ATP6V1C2: variants seen among roughly 807,000 people sequenced by gnomAD.
ATP6V1C2 encodes the protein V-type proton ATPase subunit C 2.
Under a neutral mutation model 56.8 loss-of-function variants are expected in ATP6V1C2, and 45 were observed. That is an observed-to-expected ratio of 0.79 (90% CI 0.62 to 1.02). ATP6V1C2 has a LOEUF of 1.02. ATP6V1C2 is among the 50% of genes least tolerant of loss of function. ATP6V1C2 has a pLI of 0.00. For missense variants in ATP6V1C2, 463 were observed against 519.7 expected, an observed-to-expected ratio of 0.89 and a Z score of 1.06; for synonymous variants, 220 against 201.3, an observed-to-expected ratio of 1.09 and a Z score of -0.79.
At chr2:10,748,371 T>C (rs1330457596) in intron 3 of ATP6V1C2, among the ~76,000 whole-genome samples, 1 of 152,232 alleles carries the variant, frequency 6.6e-6, no homozygotes, top group African/African-American at 2.4e-5. Flanking sequence ...GCACACAGCA[T>C]TGGTCTTTTC....
At chr2:10,778,792 G>A in intron 12 of ATP6V1C2, 123 bp downstream of exon 12, 1 of 912,244 alleles carries the variant, frequency 1.1e-6, no homozygotes, top group Non-Finnish European at 1.7e-6. Context: ...CTGAGACTGT[G>A]GCTGTTGGCA....
Position 10,783,096 on chromosome 2 carries a change from C to T in ATP6V1C2, c.1195-78C>T, listed in dbSNP as rs544553437. 2.2e-5 allele frequency: 25 copies of T among 1,123,448 alleles called. No homozygotes were observed. In the South Asian group the frequency reaches 2.3e-4, roughly 10 times the overall value. The allele number at this position is 1,123,448 out of a possible 1,614,324, so 69.6% of individuals were successfully genotyped here. A position where few individuals can be genotyped will look rare whatever the true frequency, so the allele number is the denominator to read the frequency against. ...AGCAGAACGTACGCTCAGTGCCTGGCGAGCTTCCTCAAAACTAAAAGGATA... is the reference window on the plus strand; with the variant it reads ...AGCAGAACGTACGCTCAGTGCCTGGTGAGCTTCCTCAAAACTAAAAGGATA... On this transcript the variant is annotated intron_variant, in intron 13 of 13. Transcript: ENST00000272238.
chr2:10,747,088 A>G (rs1202536585), intron 3 of ATP6V1C2, among the ~76,000 whole-genome samples: 1 of 152,106 alleles, frequency 6.6e-6, no homozygotes. Flanking sequence ...GACCAACATG[A>G]AGAAACCCCG....
intron 4 of ATP6V1C2, among the ~76,000 whole-genome samples, chr2:10,758,923 T>G (rs1275568755): frequency 6.6e-6 from 1 of 152,200 alleles, no homozygotes; most frequent in African/African-American, 2.4e-5. Context: ...CGTCTCAGTC[T>G]CCCAAAGTGC....
chr2:10,738,026 T>G (rs1662353839), intron 3 of ATP6V1C2, among the ~76,000 whole-genome samples: 1 of 152,178 alleles, frequency 6.6e-6, no homozygotes, highest in African/African-American at 2.4e-5. Flanking sequence ...AGGCTGCCCC[T>G]TTGTTCCTCT....
intron 3 of ATP6V1C2, among the ~76,000 whole-genome samples, chr2:10,746,558 G>A (rs149745068): frequency 1.3e-5 from 2 of 151,786 alleles, no homozygotes; most frequent in South Asian, 2.1e-4. Flanking sequence ...GATTACAGGC[G>A]CCCACCAGCA....
rs138925683 is a variant in ATP6V1C2 at position 10,780,724 on chromosome 2, C to T, written c.1062-1519C>T. Among the ~76,000 whole-genome samples the T allele has an allele frequency of 3.7e-3, 565 of 151,126 alleles. 5 individuals are homozygous for T. The highest frequency in any genetic ancestry group is 0.013 in the African/African-American group (540 of 41,226). ...ATCTGCCCAAGAAAGAGGTTGAGACCGATGGGCCAGCCGCTCCTGGGGTCC... is the reference window on the plus strand; with the variant it reads ...ATCTGCCCAAGAAAGAGGTTGAGACTGATGGGCCAGCCGCTCCTGGGGTCC... On this transcript the variant is annotated intron_variant, in intron 12 of 13. Transcript: ENST00000272238. This position sits in a 1 kb window ranked among gnomAD's most constrained non-coding sequence, Gnocchi z 4.1.
chr2:10,779,299 G>A (rs1175509523), intron 12 of ATP6V1C2, among the ~76,000 whole-genome samples: 3 of 150,356 alleles, frequency 2.0e-5, no homozygotes, highest in African/African-American at 7.3e-5. Context: ...TAGAGGCGGG[G>A]TTTCACCATG....
Position 10,784,936 on chromosome 2 carries a change from C to A in ATP6V1C2, c.*1673C>A. On this transcript the variant is annotated 3_prime_UTR_variant, in exon 14 of 14. Coordinates refer to ENST00000272238, the MANE Select transcript of ATP6V1C2 (RefSeq NM_001039362.2). ...CAGCTTCCCTCCCGGGCACTCACCT[C>A]GCCATCCCTGCCGTCCCAAGGCTCT... 6.3e-7 allele frequency: 1 copy of A among 1,578,292 alleles called. No homozygotes were observed. The highest frequency in any genetic ancestry group is 8.6e-7 in the Non-Finnish European group (1 of 1,159,814).
chr2:10,735,220 A>C (rs1487781183), intron 3 of ATP6V1C2, among the ~76,000 whole-genome samples: 1 of 152,104 alleles, frequency 6.6e-6, no homozygotes, highest in Non-Finnish European at 1.5e-5. Context: ...CCCAGGCTGG[A>C]GTGCAGTAGC....
At chr2:10,762,739 A>T (rs907338415) in intron 4 of ATP6V1C2, among the ~76,000 whole-genome samples, 1 of 151,478 alleles carries the variant, frequency 6.6e-6, no homozygotes, top group African/African-American at 2.4e-5. Context: ...CCCGGCTTAG[A>T]GCACTTCCCT....
chr2:10,772,687 A>G lies in ATP6V1C2; in HGVS notation c.638+77A>G. The G allele has an allele frequency of 3.1e-6, 4 of 1,301,074 alleles. No individual in the cohort carries two copies. The South Asian group carries it at 4.7e-5, about 15-fold the overall frequency. 80.6% of individuals were successfully genotyped at this position (1,301,074 alleles called of 1,614,324 possible). A position where few individuals can be genotyped will look rare whatever the true frequency, so the allele number is the denominator to read the frequency against. ...GCTTCAGGGCACCCAACCACCAAAC[A>G]TGCCCCGAGGGTGTGAGGCTCCCCA... On this transcript the variant is annotated intron_variant, in intron 8 of 13. Transcript: ENST00000272238.
chr2:10,745,985 C>T (rs933529942), intron 3 of ATP6V1C2, among the ~76,000 whole-genome samples: 5 of 152,174 alleles, frequency 3.3e-5, no homozygotes, highest in African/African-American at 7.2e-5. Context: ...ATGGACACAC[C>T]ACATTCTATG....
chr2:10,781,954 T>G (rs890504284), intron 12 of ATP6V1C2, among the ~76,000 whole-genome samples: 14 of 152,240 alleles, frequency 9.2e-5, no homozygotes, highest in African/African-American at 3.4e-4. Context: ...TCAGTCCAAC[T>G]ACCTGCATTC....
rs757791082 is a variant in ATP6V1C2 at position 10,784,310 on chromosome 2, T to A, written c.*1047T>A. 6.8e-6 allele frequency: 11 copies of A among 1,613,076 alleles called. No individual in the cohort carries two copies. The highest frequency in any genetic ancestry group is 9.3e-6 in the Non-Finnish European group (11 of 1,179,778). On this transcript the variant is annotated 3_prime_UTR_variant, in exon 14 of 14. Transcript: ENST00000272238. Reference sequence around the variant, plus strand: ...AAGCTCCACATCACTGAGGTCAATGTCATCCTCCACGGGAAGCTGGGAGAC... The same window carrying A: ...AAGCTCCACATCACTGAGGTCAATGACATCCTCCACGGGAAGCTGGGAGAC...
intron 3 of ATP6V1C2, among the ~76,000 whole-genome samples, chr2:10,727,521 A>G (rs1295056704): frequency 6.6e-6 from 1 of 152,046 alleles, no homozygotes; most frequent in Non-Finnish European, 1.5e-5. Context: ...GTGCCACTGC[A>G]CTCCAGCCTA....
Position 10,777,735 on chromosome 2 carries a change from C to G in ATP6V1C2, c.963+13C>G, listed in dbSNP as rs1665090438. The G allele has an allele frequency of 1.9e-6, 3 of 1,598,866 alleles. No individual in the cohort carries two copies. In the East Asian group the frequency reaches 6.7e-5, roughly 36 times the overall value. On this transcript the variant is annotated intron_variant, in intron 11 of 13. Coordinates refer to ENST00000272238, the MANE Select transcript of ATP6V1C2 (RefSeq NM_001039362.2). ...GGGCGAGGGTGAGGTAAGCAACGCC[C>G]CGGGAACCCCGGGGTCCCTGGCTCA... is the stretch of plus-strand genomic sequence containing the variant.
At chr2:10,754,542 ATTTTCTTTTCTTTTCTTTTC>A (rs141329846) in intron 4 of ATP6V1C2, among the ~76,000 whole-genome samples, 27,805 of 145,144 alleles carry the variant, frequency 0.19, 3,126 homozygotes, top group East Asian at 0.39. Flanking sequence ...TATTATGATA[ATTTTCTTTTCTTTTCTTTTC>A]TTTTCTTTTC....
Position 10,772,601 on chromosome 2 carries a change from G to A in ATP6V1C2, c.629G>A (p.Arg210Gln), listed in dbSNP as rs267598832. 21 of 1,613,804 alleles carry A rather than the reference G, an allele frequency of 1.3e-5. No homozygotes were observed. Among genetic ancestry groups the A allele is most frequent in the Middle Eastern group, 1.7e-4 (1 of 6,060 alleles). ...TCTCTCTCAGACATGGTGGTCCCTC[G>A]ATCAACCAAGTAAGTGAGACCCCAG... ...YESLSDMVVPRSTKLITEDKE... is the reference protein window; with the variant it reads ...YESLSDMVVPQSTKLITEDKE... Residue 210 changes from arginine (R) to glutamine (Q), a missense_variant, in exon 8 of 14, where the codon CGA (arginine) becomes CAA (glutamine). Arg to Gln is a conservative substitution (Grantham distance 43). Transcript: ENST00000272238.
Sources: allele counts gnomAD v4.1 joint callset (sites outside exome capture counted in the v4.1 genomes callset), GRCh38; gene constraint gnomAD v4.1.1; non-coding constraint Gnocchi (gnomAD v3.1); transcripts MANE v1.5; gene names NCBI Gene and HGNC (gene_info 2026-07-23, HGNC 2026-07-21).